TENM4: variants seen among roughly 807,000 people sequenced by gnomAD.
TENM4 encodes teneurin transmembrane protein 4.
TENM4 carries 82 observed loss-of-function variants against 243.3 expected under a neutral mutation model. The ratio of observed to expected loss-of-function variants is 0.34; its 90% confidence interval spans 0.28 to 0.40. TENM4 has a LOEUF of 0.40. TENM4 is among the 10% of genes least tolerant of loss of function. The pLI, the probability that TENM4 is intolerant of heterozygous loss-of-function variation, is 1.00. For synonymous variants in TENM4, 1,412 were observed against 1,456.3 expected, an observed-to-expected ratio of 0.97 and a Z score of 0.69; for missense variants, 3,138 against 3,673.3, an observed-to-expected ratio of 0.85 and a Z score of 3.77.
chr11:78,696,510 T>G (rs150593204), intron 28 of TENM4, among the ~76,000 whole-genome samples: 1 of 152,300 alleles, frequency 6.6e-6, no homozygotes, highest in Non-Finnish European at 1.5e-5. Context: ...TGCCTGGAAA[T>G]GGGTGTGAGT....
At chr11:79,050,377 G>C (rs1182123583) in intron 6 of TENM4, among the ~76,000 whole-genome samples, 1 of 152,214 alleles carries the variant, frequency 6.6e-6, no homozygotes, top group Non-Finnish European at 1.5e-5. Flanking sequence ...GGCTTAAGCG[G>C]TTTCCCTCTT....
rs771491025 is a variant in TENM4 at position 78,658,745 on chromosome 11, C to T, written c.7623G>A (p.Gln2541=). 6.2e-7 allele frequency: 1 copy of T among 1,614,022 alleles called. No individual in the cohort carries two copies. ...AGCTGGTGATTGTGGAGCCATAGAG[C>T]TGGTCAAACCGTTCTAAGGTGACAA... ...KAFVTLERFD[Q]LYGSTITSCQ... The change falls in exon 34 of 34, where the codon CAG becomes CAA. Residue 2541 remains glutamine (Q), a synonymous_variant. Transcript: ENST00000278550.
chr11:79,264,572 G>A (rs1352293532), intron 2 of TENM4, among the ~76,000 whole-genome samples: 1 of 152,142 alleles, frequency 6.6e-6, no homozygotes, highest in Admixed American at 6.5e-5. Flanking sequence ...CTTCCCCTCA[G>A]TGTTGTTTGG....
chr11:78,866,637 T>C (rs1180562742), intron 9 of TENM4, among the ~76,000 whole-genome samples: 7 of 152,096 alleles, frequency 4.6e-5, no homozygotes, highest in African/African-American at 7.2e-5. Flanking sequence ...CACCCCTTCC[T>C]CTCCACTGTA....
At chr11:79,223,603 C>A (rs1375026912) in intron 2 of TENM4, among the ~76,000 whole-genome samples, 1 of 152,166 alleles carries the variant, frequency 6.6e-6, no homozygotes, top group Non-Finnish European at 1.5e-5. Flanking sequence ...GCAAGCAGTT[C>A]TTTTCACTGT....
At chr11:78,732,278 T>G in intron 21 of TENM4, 38 bp downstream of exon 21, 1 of 1,552,638 alleles carries the variant, frequency 6.4e-7, no homozygotes, top group Non-Finnish European at 8.7e-7. Flanking sequence ...CAAAATGAAA[T>G]AAAAGCATGG....
At chr11:79,179,367 T>C (rs1043142716) in intron 3 of TENM4, among the ~76,000 whole-genome samples, 2 of 152,220 alleles carry the variant, frequency 1.3e-5, no homozygotes, top group African/African-American at 4.8e-5. Flanking sequence ...GCATACTGTC[T>C]ATATCTGCTT....
At chr11:78,684,877 T>C (rs1344728060) in intron 29 of TENM4, among the ~76,000 whole-genome samples, 1 of 152,210 alleles carries the variant, frequency 6.6e-6, no homozygotes, top group African/African-American at 2.4e-5. Flanking sequence ...ATCATCATCG[T>C]TAGGATTATA....
chr11:79,088,253 G>A (rs1288367639), intron 4 of TENM4, among the ~76,000 whole-genome samples: 4 of 152,174 alleles, frequency 2.6e-5, no homozygotes, highest in Admixed American at 2.6e-4. Context: ...GGCCCAGCCT[G>A]GCCTCTGCTG....
At chr11:79,166,539 T>C (rs954104844) in intron 3 of TENM4, among the ~76,000 whole-genome samples, 1 of 152,210 alleles carries the variant, frequency 6.6e-6, no homozygotes, top group African/African-American at 2.4e-5. Flanking sequence ...TATTGACTGC[T>C]TACTATTGGC....
chr11:79,188,630 T>G, intron 3 of TENM4, among the ~76,000 whole-genome samples: 9 of 137,656 alleles, frequency 6.5e-5, no homozygotes, highest in East Asian at 2.1e-4. Flanking sequence ...AAGGGAAGAA[T>G]AAAGGAGAAG....
chr11:79,073,854 A>G (rs1479425927), intron 4 of TENM4, among the ~76,000 whole-genome samples: 1 of 152,132 alleles, frequency 6.6e-6, no homozygotes, highest in Non-Finnish European at 1.5e-5. Flanking sequence ...AAACAAACAC[A>G]TTTTCTGTTT....
intron 4 of TENM4, among the ~76,000 whole-genome samples, chr11:79,095,158 A>G (rs939676288): frequency 1.3e-5 from 2 of 152,152 alleles, no homozygotes; most frequent in African/African-American, 4.8e-5. Context: ...GCAGTCAGGA[A>G]GCTCTGCCCA....
intron 6 of TENM4, among the ~76,000 whole-genome samples, chr11:78,919,942 A>G (rs949675994): frequency 1.3e-5 from 2 of 152,148 alleles, no homozygotes; most frequent in Non-Finnish European, 2.9e-5. Flanking sequence ...TTCATGTCCC[A>G]GGAACCCAAA....
chr11:79,385,627 A>G (rs1858095587), intron 1 of TENM4, among the ~76,000 whole-genome samples: 2 of 152,220 alleles, frequency 1.3e-5, no homozygotes, highest in African/African-American at 4.8e-5. Flanking sequence ...TTATTCAAAA[A>G]ATAACCCCTT....
At chr11:79,212,233 C>T (rs551661874) in intron 3 of TENM4, among the ~76,000 whole-genome samples, 1 of 152,260 alleles carries the variant, frequency 6.6e-6, no homozygotes, top group South Asian at 2.1e-4. Flanking sequence ...AAAAATGGAC[C>T]ATGGATCTGA....
At chr11:78,968,735 T>C (rs1032844364) in intron 6 of TENM4, among the ~76,000 whole-genome samples, 21 of 152,198 alleles carry the variant, frequency 1.4e-4, no homozygotes, top group African/African-American at 5.1e-4. Context: ...AAACAGAGGC[T>C]TAGAGAAGTG....
At chr11:79,052,296 C>A (rs575623278) in intron 6 of TENM4, among the ~76,000 whole-genome samples, 1 of 152,218 alleles carries the variant, frequency 6.6e-6, no homozygotes, top group South Asian at 2.1e-4. Context: ...TGTTTTTTGA[C>A]TTTTTAGTAA....
intron 1 of TENM4, among the ~76,000 whole-genome samples, chr11:79,384,357 C>T (rs930981629): frequency 6.6e-6 from 1 of 152,194 alleles, no homozygotes. Flanking sequence ...CGTCCAGCCT[C>T]GCACTTGATC....
Sources: allele counts gnomAD v4.1 joint callset (sites outside exome capture counted in the v4.1 genomes callset), GRCh38; gene constraint gnomAD v4.1.1; transcripts MANE v1.5; gene names NCBI Gene and HGNC (gene_info 2026-07-23, HGNC 2026-07-21).